RALYL: variants seen among roughly 807,000 people sequenced by gnomAD.
RALYL encodes RNA-binding Raly-like protein.
A neutral mutation model predicts 35.1 loss-of-function variants in RALYL; 29 were observed. That is an observed-to-expected ratio of 0.83 (90% CI 0.61 to 1.13). RALYL has a LOEUF of 1.13. Among genes scored for constraint, RALYL ranks in the 50% most tolerant of loss-of-function variants. The pLI is 0.00. For missense variants in RALYL, 359 were observed against 360.4 expected, an observed-to-expected ratio of 1.00 and a Z score of 0.03; for synonymous variants, 120 against 127.6, an observed-to-expected ratio of 0.94 and a Z score of 0.40.
At chr8:84,342,295 T>TATATATATATATATATATATAA (rs1053647755) in intron 1 of RALYL, among the ~76,000 whole-genome samples, 7 of 119,718 alleles carry the variant, frequency 5.8e-5, no homozygotes, top group African/African-American at 2.6e-4. Flanking sequence ...TATATATATA[T>TATATATATATATATATATATAA]AAAACTCAAA....
intron 1 of RALYL, among the ~76,000 whole-genome samples, chr8:84,286,669 T>C (rs934800647): frequency 4.6e-5 from 7 of 152,274 alleles, no homozygotes; most frequent in African/African-American, 1.7e-4. Flanking sequence ...ATTGGTATGA[T>C]CTAGAAAGGT....
chr8:84,578,869 T>A (rs1810149005), intron 2 of RALYL, among the ~76,000 whole-genome samples: 1 of 152,200 alleles, frequency 6.6e-6, no homozygotes, highest in South Asian at 2.1e-4. Flanking sequence ...TGCATGCTGA[T>A]TGGTCCATAG....
intron 1 of RALYL, among the ~76,000 whole-genome samples, chr8:84,396,926 C>T (rs1586840303): frequency 1.3e-5 from 2 of 152,014 alleles, no homozygotes; most frequent in Admixed American, 1.3e-4. Flanking sequence ...AATATCCCCC[C>T]CGCCCCATAA....
chr8:84,418,877 T>A (rs186025639), intron 1 of RALYL, among the ~76,000 whole-genome samples: 7 of 143,188 alleles, frequency 4.9e-5, no homozygotes, highest in African/African-American at 2.1e-4. Context: ...TTTCTTTGGA[T>A]TTTTTTTTCC....
At chr8:84,443,920 G>A (rs2048599369) in intron 1 of RALYL, among the ~76,000 whole-genome samples, 1 of 152,128 alleles carries the variant, frequency 6.6e-6, no homozygotes, top group South Asian at 2.1e-4. Context: ...AAGTAATGAT[G>A]AAACAGATAC....
Position 84,825,065 on chromosome 8 carries a change from C to T in RALYL, c.365+20263C>T, listed in dbSNP as rs10111170. Among the ~76,000 whole-genome samples the T allele has an allele frequency of 7.2e-5, 11 of 151,966 alleles. No individual in the cohort carries two copies. The South Asian group carries it at 1.5e-3, about 20-fold the overall frequency. On this transcript the variant is annotated intron_variant, in intron 4 of 8. Coordinates refer to ENST00000521268, the MANE Select transcript of RALYL (RefSeq NM_173848.7). ...AACTATCAAGGAAGTAAACAGACAA[C>T]GTACAGAATGGGAGCAAAATATTCA... is the stretch of plus-strand genomic sequence containing the variant.
chr8:84,207,131 A>G (rs1276518529), intron 1 of RALYL, among the ~76,000 whole-genome samples: 2 of 152,170 alleles, frequency 1.3e-5, no homozygotes, highest in Admixed American at 6.6e-5. Flanking sequence ...AATTAAAAAT[A>G]GAACTTTCAT....
intron 2 of RALYL, among the ~76,000 whole-genome samples, chr8:84,585,048 G>C (rs1047360593): frequency 1.3e-5 from 2 of 152,150 alleles, no homozygotes; most frequent in Non-Finnish European, 2.9e-5. Context: ...AATATATTCA[G>C]GGTCCTCACT....
intron 1 of RALYL, among the ~76,000 whole-genome samples, chr8:84,525,186 C>A (rs1428709628): frequency 6.6e-6 from 1 of 151,880 alleles, no homozygotes; most frequent in Non-Finnish European, 1.5e-5. Context: ...GGAACAACAG[C>A]AACAGTAGTT....
chr8:84,504,854 G>A (rs2057026811), intron 1 of RALYL, among the ~76,000 whole-genome samples: 1 of 152,046 alleles, frequency 6.6e-6, no homozygotes, highest in South Asian at 2.1e-4. Flanking sequence ...AGGAGTAAAG[G>A]CAGAATACTT....
intron 4 of RALYL, among the ~76,000 whole-genome samples, chr8:84,830,579 G>T (rs1276174486): frequency 6.6e-6 from 1 of 152,064 alleles, no homozygotes; most frequent in African/African-American, 2.4e-5. Context: ...GATTGTACAA[G>T]AAGGAAATAT....
intron 2 of RALYL, among the ~76,000 whole-genome samples, chr8:84,563,536 T>A (rs968859986): frequency 2.0e-5 from 3 of 151,754 alleles, no homozygotes; most frequent in Non-Finnish European, 2.9e-5. Context: ...GAGCCTTTAG[T>A]GTAAGCAAAG....
intron 2 of RALYL, among the ~76,000 whole-genome samples, chr8:84,717,641 A>G (rs943709944): frequency 6.6e-5 from 10 of 152,210 alleles, no homozygotes; most frequent in Non-Finnish European, 1.5e-5. Context: ...TGTTTTAAAT[A>G]TTGTAATTCA....
intron 1 of RALYL, among the ~76,000 whole-genome samples, chr8:84,502,281 A>G (rs771288652): frequency 6.6e-6 from 1 of 152,024 alleles, no homozygotes; most frequent in African/African-American, 2.4e-5. Context: ...CAGTCCATTA[A>G]CTGATCAAAT....
chr8:84,217,524 T>C (rs975615776), intron 1 of RALYL, among the ~76,000 whole-genome samples: 4 of 152,096 alleles, frequency 2.6e-5, no homozygotes, highest in African/African-American at 9.7e-5. Context: ...GGAGTGTATT[T>C]AACACTACAA....
chr8:84,899,137 A>T (rs1326725309), intron 8 of RALYL, among the ~76,000 whole-genome samples: 1 of 151,936 alleles, frequency 6.6e-6, no homozygotes, highest in Non-Finnish European at 1.5e-5. Flanking sequence ...AACCCATTCT[A>T]CCTTTTATTT....
intron 2 of RALYL, among the ~76,000 whole-genome samples, chr8:84,730,186 A>T (rs1845873172): frequency 6.6e-6 from 1 of 152,058 alleles, no homozygotes; most frequent in African/African-American, 2.4e-5. Context: ...CTTATCCACC[A>T]TGATCAAGTG....
chr8:84,852,381 G>A (rs1836045148), intron 5 of RALYL, among the ~76,000 whole-genome samples: 1 of 151,924 alleles, frequency 6.6e-6, no homozygotes, highest in Non-Finnish European at 1.5e-5. Context: ...TATTCTAAAA[G>A]TGATGCAAAC....
At chr8:84,772,630 A>G (rs1815832539) in intron 2 of RALYL, among the ~76,000 whole-genome samples, 1 of 152,044 alleles carries the variant, frequency 6.6e-6, no homozygotes, top group Non-Finnish European at 1.5e-5. Context: ...TTTTATACAT[A>G]TGATTGTTGT....
Sources: allele counts gnomAD v4.1 joint callset (sites outside exome capture counted in the v4.1 genomes callset), GRCh38; gene constraint gnomAD v4.1.1; transcripts MANE v1.5; gene names NCBI Gene and HGNC (gene_info 2026-07-23, HGNC 2026-07-21).